Variants in DHTKD1 observed in about 807,000 individuals in gnomAD.
DHTKD1 encodes the protein 2-oxoadipate dehydrogenase complex component E1.
In DHTKD1, 78 loss-of-function variants were observed where a neutral mutation model predicts 101.8. The ratio of observed to expected loss-of-function variants is 0.77; its 90% CI spans 0.64 to 0.93. The LOEUF (loss-of-function observed/expected upper bound fraction) is 0.93. Ranked by LOEUF, DHTKD1 falls within the 40% of genes least tolerant of loss-of-function variation. The pLI is 0.00. For missense variants in DHTKD1, 1,223 were observed against 1,161.7 expected, an observed-to-expected ratio of 1.05 and a Z score of -0.77; for synonymous variants, 462 against 450.3, an observed-to-expected ratio of 1.03 and a Z score of -0.33.
chr10:12,120,759 T>A, intron 16 of DHTKD1, 28 bp from the exon 17 acceptor site: 1 of 1,593,590 alleles, frequency 6.3e-7, no homozygotes, highest in Non-Finnish European at 8.6e-7. Context: ...CAAAATGTCA[T>A]TTTATTTCTT....
chr10:12,088,931 C>G, intron 4 of DHTKD1, 55 bp from the exon 5 acceptor site: 1 of 1,512,522 alleles, frequency 6.6e-7, no homozygotes, highest in Non-Finnish European at 9.1e-7. Context: ...CACTTCTTCC[C>G]TAGACTCCAT....
rs1333308646 is a variant in DHTKD1 at position 12,117,712 on chromosome 10, A to G, written c.2359A>G (p.Thr787Ala). Residue 787 changes from threonine (T) to alanine (A), a missense_variant, in exon 14 of 17, where the codon ACA becomes GCA. Coordinates refer to ENST00000263035, the MANE Select transcript of DHTKD1 (RefSeq NM_018706.7). ...STLQEMAPGT[T>A]FNPVIGDSSV... ...TCTTCAAGAAATGGCACCAGGAACA[A>G]CATTTAACCCGGTCATTGGTGATTC... The G allele has an allele frequency of 6.2e-7, 1 of 1,608,386 alleles. No individual in the cohort carries two copies. Among genetic ancestry groups the G allele is most frequent in the East Asian group, 2.2e-5 (1 of 44,550 alleles).
chr10:12,072,808 C>T (rs1371494683), intron 1 of DHTKD1, among the ~76,000 whole-genome samples: 1 of 151,762 alleles, frequency 6.6e-6, no homozygotes, highest in Non-Finnish European at 1.5e-5. Flanking sequence ...ACGATCTCAG[C>T]TCACCACAAC....
chr10:12,073,527 A>G (rs921530951), intron 1 of DHTKD1, among the ~76,000 whole-genome samples: 3 of 152,100 alleles, frequency 2.0e-5, no homozygotes, highest in African/African-American at 7.2e-5. Context: ...TTGTATTTTT[A>G]GTAGAAACAG....
At position 12,097,814 on chromosome 10, in the gene DHTKD1, C is replaced by T. The variant is rs752884743; in HGVS notation, c.1489C>T (p.His497Tyr). The part of the protein sequence containing the change: ...KLNDHLNNMA[H>Y]YRPPALNLQA... ...GAATGATCACTTAAATAACATGGCC[C>T]ACTACAGGCCCCCTGCCCTGAACCT... Residue 497 changes from histidine (H) to tyrosine (Y), a missense_variant, in exon 8 of 17, where the codon CAC (histidine) becomes TAC (tyrosine). Transcript: ENST00000263035. The T allele has an allele frequency of 5.6e-6, 9 of 1,614,186 alleles. No homozygotes were observed. In the East Asian group the frequency reaches 1.6e-4, roughly 28 times the overall value.
chr10:12,076,013 C>A (rs537671833), intron 1 of DHTKD1, among the ~76,000 whole-genome samples: 92 of 150,876 alleles, frequency 6.1e-4, no homozygotes, highest in African/African-American at 2.2e-3. Flanking sequence ...TGATTTCTTC[C>A]CCTAATTTTA....
intron 8 of DHTKD1, 35 bp from the exon 9 acceptor site, chr10:12,100,143 G>C: frequency 7.9e-7 from 1 of 1,260,540 alleles, no homozygotes; most frequent in Non-Finnish European, 1.1e-6. Context: ...TGGACTCTTA[G>C]ACGTTCCTTT....
intron 1 of DHTKD1, among the ~76,000 whole-genome samples, chr10:12,072,739 CT>C (rs1271574765): frequency 2.0e-3 from 285 of 140,666 alleles, no homozygotes; most frequent in Middle Eastern, 3.6e-3. Flanking sequence ...GGTGTTCTTC[CT>C]TTTTTTTTTT....
rs1275272258 is a variant in DHTKD1 at position 12,100,158 on chromosome 10, T to C, written c.1672-20T>C. 1.4e-6 allele frequency: 2 copies of C among 1,478,144 alleles called. No homozygotes were observed. The allele number at this position is 1,478,144 out of a possible 1,614,324, so 91.6% of individuals were successfully genotyped here. ...TGGACTCTTAGACGTTCCTTTTTTT[T>C]CTTCCTCTGAATTTTACAGTCCAGA... On this transcript the variant is annotated intron_variant, in intron 8 of 16. Transcript: ENST00000263035.
In DHTKD1 at chr10:12,112,911, T is replaced by G. The variant is rs781496346; in HGVS notation, c.2166T>G (p.Ser722Arg). Residue 722 changes from serine (S) to arginine (R), a missense_variant, in exon 13 of 17, where the codon AGT becomes AGG. Coordinates refer to ENST00000263035, the MANE Select transcript of DHTKD1 (RefSeq NM_018706.7). ...CACTTCTCTCCCAGATGTGTGACAG[T>G]GCGGAAGAGGGGGTGGACGGAGACA... ...RIERFLQMCDSAEEGVDGDTV... is the reference protein window; with the variant it reads ...RIERFLQMCDRAEEGVDGDTV... 11 of 1,607,986 alleles carry G rather than the reference T, an allele frequency of 6.8e-6. No individual in the cohort carries two copies. The highest frequency in any genetic ancestry group is 9.3e-6 in the Non-Finnish European group (11 of 1,177,402).
chr10:12,071,498 G>A (rs1035888709), intron 1 of DHTKD1, among the ~76,000 whole-genome samples: 2 of 152,226 alleles, frequency 1.3e-5, no homozygotes, highest in African/African-American at 2.4e-5. Context: ...TAGGCCGGGC[G>A]CGGTGGCTCA....
intron 1 of DHTKD1, 56 bp from the exon 2 acceptor site, chr10:12,081,415 TG>T: frequency 6.9e-7 from 1 of 1,449,356 alleles, no homozygotes. Context: ...ATCTGATTTT[TG>T]TGATTTGTAG....
At chr10:12,072,656 C>G (rs1356420022) in intron 1 of DHTKD1, among the ~76,000 whole-genome samples, 1 of 151,828 alleles carries the variant, frequency 6.6e-6, no homozygotes, top group Non-Finnish European at 1.5e-5. Flanking sequence ...ACCTTGATTT[C>G]CAAGGAAACT....
chr10:12,081,400 T>C, intron 1 of DHTKD1, 72 bp from the exon 2 acceptor site: 1 of 1,346,868 alleles, frequency 7.4e-7, no homozygotes, highest in Non-Finnish European at 1.1e-6. Context: ...AGAGCTTCTT[T>C]GAAAATCTGA....
At position 12,118,756 on chromosome 10, in the gene DHTKD1, A is replaced by G; in HGVS notation, c.2410A>G (p.Thr804Ala). ...TCCTTTTCTGTCCAACAGGGTTAAG[A>G]CCCTCGTGTTCTGCTCCGGCAAACA... ...DSSVDPKKVK[T>A]LVFCSGKHFY... The change falls in exon 15 of 17, where the codon ACC becomes GCC. Residue 804 changes from threonine to alanine, a missense_variant. Thr to Ala is a moderately conservative substitution (Grantham distance 58). Coordinates refer to ENST00000263035, the MANE Select transcript of DHTKD1 (RefSeq NM_018706.7). 1.9e-6 allele frequency: 3 copies of G among 1,565,464 alleles called. No homozygotes were observed. The highest frequency in any genetic ancestry group is 2.6e-6 in the Non-Finnish European group (3 of 1,158,384).
In DHTKD1 at chr10:12,107,291, C is replaced by A. The variant is rs930691085; in HGVS notation, c.2048-618C>A. 3.3e-5 allele frequency among the ~76,000 whole-genome samples: 5 copies of A among 150,924 alleles called. No homozygotes were observed. The East Asian group carries it at 1.0e-3, about 30-fold the overall frequency. On this transcript the variant is annotated intron_variant, in intron 11 of 16. Transcript: ENST00000263035. This position sits in a 1 kb window ranked among gnomAD's most constrained non-coding sequence, Gnocchi z 4.1. ...GTGAGCCACTGTGCCCGGCCGGGAG[C>A]TGCCCATTCTTGTAAGAGTGGTGCC...
intron 1 of DHTKD1, among the ~76,000 whole-genome samples, chr10:12,080,646 G>C (rs1744581237): frequency 6.6e-6 from 1 of 151,400 alleles, no homozygotes; most frequent in South Asian, 2.1e-4. Context: ...GGGAGGCGCA[G>C]GTTGCAGTGA....
intron 13 of DHTKD1, among the ~76,000 whole-genome samples, chr10:12,113,866 C>T (rs376028089): frequency 7.9e-5 from 12 of 151,934 alleles, no homozygotes; most frequent in African/African-American, 2.7e-4. Context: ...GCTGCAGTGA[C>T]GTATGACCAT....
At chr10:12,114,592 G>A (rs1833384506) in intron 13 of DHTKD1, among the ~76,000 whole-genome samples, 3 of 152,190 alleles carry the variant, frequency 2.0e-5, no homozygotes, top group South Asian at 2.1e-4. Flanking sequence ...CACCGTGCCC[G>A]GCCGGGAGTA....
Sources: allele counts gnomAD v4.1 joint callset (sites outside exome capture counted in the v4.1 genomes callset), GRCh38; gene constraint gnomAD v4.1.1; non-coding constraint Gnocchi (gnomAD v3.1); transcripts MANE v1.5; gene names NCBI Gene and HGNC (gene_info 2026-07-23, HGNC 2026-07-21).